Variants in IKBKB observed in about 807,000 individuals in gnomAD.
IKBKB encodes inhibitor of nuclear factor kappa-B kinase subunit beta.
Under a neutral mutation model 113.6 loss-of-function variants are expected in IKBKB, and 42 were observed. The observed-to-expected ratio is 0.37, with a 90% CI of 0.29 to 0.48. The LOEUF (loss-of-function observed/expected upper bound fraction) is 0.48, where lower values mean the gene tolerates loss of function less well. Among genes scored for constraint, IKBKB ranks in the 20% least tolerant of loss-of-function variants. The pLI is 0.99. For synonymous variants in IKBKB, 296 were observed against 361.3 expected (o/e 0.82, Z 2.05); for missense variants, 673 against 939.7 (o/e 0.72, Z 3.71).
chr8:42,271,525 C>T (rs1271579342), intron 1 of IKBKB, 56 bp downstream of exon 1: 6 of 632,396 alleles, frequency 9.5e-6, no homozygotes, highest in Non-Finnish European at 1.1e-5. Context: ...CGCCGCCCCG[C>T]TGCCTGCAAG....
chr8:42,316,713 G>T lies in IKBKB; in HGVS notation c.934G>T (p.Val312Phe), dbSNP rs1227523800. The change falls in exon 11 of 22, where the codon GTT becomes TTT. Residue 312 changes from valine to phenylalanine, a missense_variant. Transcript: ENST00000520810. The surrounding 1 kb of genome is among the most constrained non-coding windows in gnomAD (Gnocchi z 4.5). Reference protein sequence around the residue: ...ALDDILNLKLVHILNMVTGTI... With the variant: ...ALDDILNLKLFHILNMVTGTI... ...TAACATCTGGGTTGTGTTGCAGCTG[G>T]TTCATATCTTGAACATGGTCACGGG... The T allele has an allele frequency of 6.2e-7, 1 of 1,610,756 alleles. No individual in the cohort carries two copies. Among genetic ancestry groups the T allele is most frequent in the East Asian group, 2.2e-5 (1 of 44,816 alleles).
At chr8:42,298,355 CT>C in intron 5 of IKBKB, 1 of 985,446 alleles carries the variant, frequency 1.0e-6, no homozygotes, top group African/African-American at 1.7e-5. Context: ...GAACCCACCC[CT>C]CTGTTGCTGT....
chr8:42,331,316 A>G lies in IKBKB; in HGVS notation c.*337A>G, dbSNP rs1348962004. The stretch of plus-strand genomic sequence containing the variant: ...CCCACAAACGTTCAGGGGTACAGCC[A>G]TGGCAGCTCCTTCCTCTGCCGTGAG... On this transcript the variant is annotated 3_prime_UTR_variant, in exon 22 of 22. Coordinates refer to ENST00000520810, the MANE Select transcript of IKBKB (RefSeq NM_001556.3). 1.3e-5 allele frequency: 9 copies of G among 702,522 alleles called. No homozygotes were observed. In the African/African-American group the frequency reaches 1.4e-4, roughly 11 times the overall value. 43.5% of individuals were successfully genotyped at this position (702,522 alleles called of 1,614,324 possible).
chr8:42,307,486 G>A (rs931605474), intron 7 of IKBKB, among the ~76,000 whole-genome samples: 2 of 152,206 alleles, frequency 1.3e-5, no homozygotes, highest in Admixed American at 1.3e-4. Flanking sequence ...AGGGAAGAGT[G>A]GGTGAGGTAG....
At chr8:42,292,484 G>A (rs1208065966) in intron 4 of IKBKB, among the ~76,000 whole-genome samples, 1 of 152,218 alleles carries the variant, frequency 6.6e-6, no homozygotes, top group Non-Finnish European at 1.5e-5. Context: ...GTCTTGTTAT[G>A]TGTTGTTTCC....
At chr8:42,273,954 G>A (rs746383221) in intron 2 of IKBKB, among the ~76,000 whole-genome samples, 20 of 152,124 alleles carry the variant, frequency 1.3e-4, no homozygotes, top group Non-Finnish European at 1.8e-4. Context: ...GGTAATTGGC[G>A]TGTTCATCAC....
intron 14 of IKBKB, 41 bp from the exon 15 acceptor site, chr8:42,319,544 A>G: frequency 6.3e-7 from 1 of 1,577,382 alleles, no homozygotes; most frequent in Non-Finnish European, 8.6e-7. Context: ...TGGTGTTTTT[A>G]TTTTGTTTTG....
intron 13 of IKBKB, chr8:42,319,012 C>T: frequency 1.8e-6 from 1 of 562,704 alleles, no homozygotes; most frequent in Non-Finnish European, 3.2e-6. Context: ...GGACTCTTTC[C>T]TCATTGTGAC....
chr8:42,309,371 C>T lies in IKBKB; in HGVS notation c.692+346C>T, dbSNP rs898920892. ...TGTGTGTTAGTAAACAAATAAAACA[C>T]GTGTACACATGACAAGTCAGGAGGA... On this transcript the variant is annotated intron_variant, in intron 8 of 21. Coordinates refer to ENST00000520810, the MANE Select transcript of IKBKB (RefSeq NM_001556.3). 5.6e-5 allele frequency: 21 copies of T among 372,508 alleles called. 1 individual carries two copies. Among genetic ancestry groups the T allele is most frequent in the Admixed American group, 3.2e-4 (8 of 25,282 alleles). The allele number at this position is 372,508 out of a possible 1,614,324, so 23.1% of individuals were successfully genotyped here.
chr8:42,293,576 C>T (rs775743310), intron 5 of IKBKB, 64 bp downstream of exon 5: 3 of 1,613,032 alleles, frequency 1.9e-6, no homozygotes, highest in Non-Finnish European at 2.5e-6. Flanking sequence ...CCTGTGAGTC[C>T]CTGCGGAGCC....
At chr8:42,303,070 AGAGAGAGAGAGAGAGAGAGAAT>A in intron 5 of IKBKB, among the ~76,000 whole-genome samples, 1 of 146,334 alleles carries the variant, frequency 6.8e-6, no homozygotes. Flanking sequence ...GGAGAGAGAG[AGAGAGAGAGAGAGAGAGAGAAT>A]GAGAGAGAGA....
At chr8:42,271,858 C>T in intron 1 of IKBKB, 1 of 572,948 alleles carries the variant, frequency 1.7e-6, no homozygotes, top group East Asian at 3.1e-5. Context: ...GACTTTCTTC[C>T]TTGCCTGATG....
At chr8:42,295,052 C>T (rs1481574482) in intron 5 of IKBKB, among the ~76,000 whole-genome samples, 4 of 148,068 alleles carry the variant, frequency 2.7e-5, no homozygotes, top group South Asian at 2.1e-4. Context: ...ATGTTTTTCT[C>T]TCAGATATTT....
chr8:42,317,988 G>A (rs1434931210), intron 12 of IKBKB, among the ~76,000 whole-genome samples: 5 of 152,118 alleles, frequency 3.3e-5, no homozygotes, highest in Admixed American at 2.0e-4. Flanking sequence ...TAGGACGGGC[G>A]TGGTGGCTCA....
rs779346648 is a variant in IKBKB at position 42,305,188 on chromosome 8, C to T, written c.390C>T (p.Ala130=). ...AAAACTCACCCCCCTCTTCCTCAGC[C>T]TCTGCGCTTAGATACCTTCATGAAA... ...GAILTLLSDI[A]SALRYLHENR... is the part of the protein sequence containing the mutation. The change falls in exon 6 of 22, where the codon GCC becomes GCT. Residue 130 remains alanine, a splice_region_variant and synonymous_variant. Coordinates refer to ENST00000520810, the MANE Select transcript of IKBKB (RefSeq NM_001556.3). 3 of 1,612,398 alleles carry T rather than the reference C, an allele frequency of 1.9e-6. No homozygotes were observed. The highest frequency in any genetic ancestry group is 2.5e-6 in the Non-Finnish European group (3 of 1,178,562).
Position 42,316,611 on chromosome 8 carries a change from TTGG to T in IKBKB, c.931-98_931-96del. 8.6e-7 allele frequency: 1 copy of T among 1,166,944 alleles called. No homozygotes were observed. Among genetic ancestry groups the T allele is most frequent in the Non-Finnish European group, 1.2e-6 (1 of 830,086 alleles). The allele number at this position is 1,166,944 out of a possible 1,614,324, so 72.3% of individuals were successfully genotyped here. ...CAAGCTAGGCCCTTGCTTTGTGTGG[TTGG>T]GAAATGTTGGGAGTAGCAGAGAGAG... On this transcript the variant is annotated intron_variant, in intron 10 of 21. Coordinates refer to ENST00000520810, the MANE Select transcript of IKBKB (RefSeq NM_001556.3). This position sits in a 1 kb window ranked among gnomAD's most constrained non-coding sequence, Gnocchi z 4.5.
chr8:42,319,499 T>C, intron 14 of IKBKB, 78 bp downstream of exon 14: 1 of 1,594,634 alleles, frequency 6.3e-7, no homozygotes, highest in Non-Finnish European at 8.6e-7. Flanking sequence ...TTTTGTCCTA[T>C]TATAATTGAG....
intron 18 of IKBKB, 89 bp from the exon 19 acceptor site, chr8:42,322,258 T>G: frequency 1.9e-6 from 3 of 1,581,454 alleles, no homozygotes; most frequent in South Asian, 2.2e-5. Context: ...GAAGAGAGTT[T>G]CTGCAGCTGC....
In IKBKB at chr8:42,316,719, A is replaced by G. The variant is rs201912118; in HGVS notation, c.940A>G (p.Ile314Val). The G allele has an allele frequency of 3.7e-6, 6 of 1,611,574 alleles. No homozygotes were observed. The highest frequency in any genetic ancestry group is 3.3e-5 in the Admixed American group (2 of 59,920). The change falls in exon 11 of 22, where the codon ATC becomes GTC. Residue 314 changes from isoleucine (I) to valine (V), a missense_variant. Ile to Val is a conservative substitution (Grantham distance 29, BLOSUM62 3). This residue lies in a region of IKBKB where 506 missense variants were observed against 638.7 expected (regional missense o/e 0.79). Coordinates refer to ENST00000520810, the MANE Select transcript of IKBKB (RefSeq NM_001556.3). This position sits in a 1 kb window ranked among gnomAD's most constrained non-coding sequence, Gnocchi z 4.5. Reference sequence around the variant, plus strand: ...CTGGGTTGTGTTGCAGCTGGTTCATATCTTGAACATGGTCACGGGCACCAT... The same window carrying G: ...CTGGGTTGTGTTGCAGCTGGTTCATGTCTTGAACATGGTCACGGGCACCAT... ...DDILNLKLVH[I>V]LNMVTGTIHT...
Sources: gnomAD v4.1 joint callset for allele counts (sites outside exome capture counted in the v4.1 genomes callset) on GRCh38, gnomAD v4.1.1 for gene constraint, gnomAD v4.1.1 regional missense constraint, Gnocchi (gnomAD v3.1) non-coding constraint, MANE v1.5 for transcripts, NCBI Gene and HGNC (gene_info 2026-07-23, HGNC 2026-07-21) for gene names.